The following HS6ST3 variants were observed in gnomAD, a reference collection of about 807,000 sequenced individuals.
The protein encoded by HS6ST3 is heparan sulfate 6-O-sulfotransferase 3.
HS6ST3 carries 12 observed loss-of-function variants against 36.7 expected under a neutral mutation model. The observed-to-expected ratio is 0.33, with a 90% confidence interval of 0.21 to 0.53. The LOEUF (loss-of-function observed/expected upper bound fraction) is 0.53, where lower values mean the gene tolerates loss of function less well. HS6ST3 is among the 20% of genes least tolerant of loss of function. The pLI is 0.95. For missense variants in HS6ST3, 584 were observed against 640.9 expected (o/e 0.91, Z 0.96); for synonymous variants, 240 against 257.5 (o/e 0.93, Z 0.65).
At chr13:96,698,277 C>T (rs751311559) in intron 1 of HS6ST3, among the ~76,000 whole-genome samples, 7 of 152,016 alleles carry the variant, frequency 4.6e-5, no homozygotes, top group African/African-American at 9.7e-5. Flanking sequence ...TTCCCACCTA[C>T]GAGTGAGAGC....
Position 96,647,504 on chromosome 13 carries a change from C to T in HS6ST3, c.708-184986C>T, listed in dbSNP as rs111296556. Among the ~76,000 whole-genome samples, 1,452 of 152,028 alleles carry T rather than the reference C, an allele frequency of 9.6e-3. 7 individuals are homozygous for T. Among genetic ancestry groups the T allele is most frequent in the African/African-American group, 0.015 (612 of 41,500 alleles). ...GACAGTCTGTTTGACTGTTTAAGTG[C>T]GATGCCTTGTACCAAATGTCACCTG... On this transcript the variant is annotated intron_variant, in intron 1 of 1. Transcript: ENST00000376705.
chr13:96,254,512 C>T (rs1182034023), intron 1 of HS6ST3, among the ~76,000 whole-genome samples: 1 of 97,366 alleles, frequency 1.0e-5, no homozygotes, highest in African/African-American at 4.0e-5. Context: ...CATACATACA[C>T]ACACACACTT....
At chr13:96,116,201 C>G (rs1039107123) in intron 1 of HS6ST3, among the ~76,000 whole-genome samples, 2 of 152,174 alleles carry the variant, frequency 1.3e-5, no homozygotes, top group African/African-American at 2.4e-5. Flanking sequence ...TTCAACGACT[C>G]GAGTGCATAG....
chr13:96,651,009 T>C (rs1276633471), intron 1 of HS6ST3, among the ~76,000 whole-genome samples: 3 of 152,090 alleles, frequency 2.0e-5, no homozygotes, highest in Admixed American at 1.3e-4. Flanking sequence ...CAGATCATAG[T>C]GTTGACTTGT....
intron 1 of HS6ST3, among the ~76,000 whole-genome samples, chr13:96,556,645 T>C (rs1048519390): frequency 6.6e-6 from 1 of 152,128 alleles, no homozygotes; most frequent in Non-Finnish European, 1.5e-5. Context: ...TAGGAAAAAT[T>C]ATTTGTTTTG....
intron 1 of HS6ST3, among the ~76,000 whole-genome samples, chr13:96,433,304 C>T (rs908066775): frequency 4.6e-5 from 7 of 152,068 alleles, no homozygotes; most frequent in Non-Finnish European, 8.8e-5. Flanking sequence ...ACAGGTATCC[C>T]TATAAGAAGA....
At chr13:96,688,265 A>G (rs1439448513) in intron 1 of HS6ST3, among the ~76,000 whole-genome samples, 8 of 151,264 alleles carry the variant, frequency 5.3e-5, no homozygotes, top group Non-Finnish European at 8.8e-5. Flanking sequence ...TCTGGCTTCA[A>G]ATTTGTCAAC....
intron 1 of HS6ST3, among the ~76,000 whole-genome samples, chr13:96,143,657 T>G (rs1486522760): frequency 6.6e-6 from 1 of 152,056 alleles, no homozygotes; most frequent in African/African-American, 2.4e-5. Flanking sequence ...CTGTCCTAAT[T>G]AAAAATGAAT....
intron 1 of HS6ST3, among the ~76,000 whole-genome samples, chr13:96,682,654 G>A (rs763818189): frequency 6.6e-6 from 1 of 152,058 alleles, no homozygotes; most frequent in Non-Finnish European, 1.5e-5. Flanking sequence ...TTTTCATTAA[G>A]CTAAAGTGCT....
chr13:96,388,928 A>G (rs548521159), intron 1 of HS6ST3, among the ~76,000 whole-genome samples: 6 of 152,130 alleles, frequency 3.9e-5, no homozygotes, highest in Non-Finnish European at 7.4e-5. Flanking sequence ...TCTTTCCTTT[A>G]AGTTACCCAG....
chr13:96,332,634 A>G (rs1330991121), intron 1 of HS6ST3, among the ~76,000 whole-genome samples: 1 of 152,220 alleles, frequency 6.6e-6, no homozygotes, highest in Non-Finnish European at 1.5e-5. Context: ...TCATTTGAAA[A>G]AGTACTGCTC....
chr13:96,128,550 A>G (rs1020652948), intron 1 of HS6ST3, among the ~76,000 whole-genome samples: 1 of 152,116 alleles, frequency 6.6e-6, no homozygotes, highest in Non-Finnish European at 1.5e-5. Flanking sequence ...TGCAAAGCTC[A>G]TCTCCCTTCA....
At chr13:96,390,162 A>G (rs995758211) in intron 1 of HS6ST3, among the ~76,000 whole-genome samples, 1 of 152,208 alleles carries the variant, frequency 6.6e-6, no homozygotes, top group Admixed American at 6.5e-5. Flanking sequence ...TAATTTCTAT[A>G]TCATTCAAAA....
chr13:96,833,348 A>C lies in HS6ST3; in HGVS notation c.*150A>C, dbSNP rs988075713. 3.3e-5 allele frequency: 21 copies of C among 629,382 alleles called. No homozygotes were observed. The highest frequency in any genetic ancestry group is 5.6e-5 in the Non-Finnish European group (21 of 374,410). 39.0% of individuals were successfully genotyped at this position (629,382 alleles called of 1,614,324 possible). A position where few individuals can be genotyped will look rare whatever the true frequency, so the allele number is the denominator to read the frequency against. Reference sequence around the variant, plus strand: ...TTCTTCCTTCTTTGTCTTCATTTTTATCCAGCTGGAGATTATCCGTCTTGT... The same window carrying C: ...TTCTTCCTTCTTTGTCTTCATTTTTCTCCAGCTGGAGATTATCCGTCTTGT... On this transcript the variant is annotated 3_prime_UTR_variant, in exon 2 of 2. Coordinates refer to ENST00000376705, the MANE Select transcript of HS6ST3 (RefSeq NM_153456.4).
chr13:96,467,814 A>G (rs751618099), intron 1 of HS6ST3, among the ~76,000 whole-genome samples: 12 of 152,172 alleles, frequency 7.9e-5, no homozygotes, highest in Non-Finnish European at 1.5e-4. Context: ...TCCTGTAACT[A>G]CTAGATGGTA....
intron 1 of HS6ST3, among the ~76,000 whole-genome samples, chr13:96,681,399 TTA>T (rs2096604983): frequency 2.0e-5 from 3 of 152,042 alleles, no homozygotes; most frequent in Non-Finnish European, 4.4e-5. Flanking sequence ...ATCTCTTAGC[TTA>T]TGTCTTTTCA....
At chr13:96,117,483 C>T (rs1308214704) in intron 1 of HS6ST3, among the ~76,000 whole-genome samples, 1 of 152,114 alleles carries the variant, frequency 6.6e-6, no homozygotes, top group Non-Finnish European at 1.5e-5. Context: ...CAGGCATTTA[C>T]ATTGGTTGAG....
intron 1 of HS6ST3, among the ~76,000 whole-genome samples, chr13:96,664,560 A>G (rs557879107): frequency 3.3e-5 from 5 of 152,000 alleles, no homozygotes; most frequent in South Asian, 4.2e-4. Flanking sequence ...AATACTCTAC[A>G]CTCAGGTCTT....
intron 1 of HS6ST3, among the ~76,000 whole-genome samples, chr13:96,294,840 C>T (rs2054847036): frequency 6.6e-6 from 1 of 151,972 alleles, no homozygotes; most frequent in Admixed American, 6.6e-5. Flanking sequence ...TGGTAATGAA[C>T]ATGGGTTTTT....
Sources: gnomAD v4.1 joint callset for allele counts (sites outside exome capture counted in the v4.1 genomes callset) on GRCh38, gnomAD v4.1.1 for gene constraint, MANE v1.5 for transcripts, NCBI Gene and HGNC (gene_info 2026-07-23, HGNC 2026-07-21) for gene names.